NELL1: variants seen among roughly 807,000 people sequenced by gnomAD.
NELL1 encodes neural EGFL like 1, also known as protein kinase C-binding protein NELL1.
In NELL1, 76 loss-of-function variants were observed where a neutral mutation model predicts 107.4. That is an observed-to-expected ratio of 0.71 (90% CI 0.59 to 0.86). The LOEUF (loss-of-function observed/expected upper bound fraction) is 0.86, where lower values mean the gene tolerates loss of function less well. Among genes scored for constraint, NELL1 ranks in the 40% least tolerant of loss-of-function variants. The probability of loss-of-function intolerance (pLI) is 0.00; values close to 1 mark genes in which losing one functional copy is unlikely to be tolerated. For missense variants in NELL1, 1,024 were observed against 1,005.5 expected, an observed-to-expected ratio of 1.02 and a Z score of -0.25; for synonymous variants, 353 against 341.2, an observed-to-expected ratio of 1.03 and a Z score of -0.38.
intron 5 of NELL1, among the ~76,000 whole-genome samples, chr11:20,907,439 T>C (rs1401177046): frequency 6.6e-6 from 1 of 151,962 alleles, no homozygotes; most frequent in East Asian, 1.9e-4. Context: ...CCAAAGAAGA[T>C]ATACAAATGG....
Position 20,669,617 on chromosome 11 carries a change from C to T in NELL1, c.-107C>T. ...CGCTGCCGAGCCACCTCCCCCGCCG[C>T]CCGCTAGCAAGTTTGGCGGCTCCAA... On this transcript the variant is annotated 5_prime_UTR_variant, in exon 1 of 20. Transcript: ENST00000357134. The surrounding 1 kb of genome is among the most constrained non-coding windows in gnomAD (Gnocchi z 4.4). The T allele has an allele frequency of 1.1e-6, 1 of 947,628 alleles. No homozygotes were observed. Among genetic ancestry groups the T allele is most frequent in the Non-Finnish European group, 1.6e-6 (1 of 609,908 alleles). 58.7% of individuals were successfully genotyped at this position (947,628 alleles called of 1,614,324 possible).
intron 2 of NELL1, among the ~76,000 whole-genome samples, chr11:20,752,740 G>T (rs1217867367): frequency 6.6e-6 from 1 of 152,122 alleles, no homozygotes; most frequent in Non-Finnish European, 1.5e-5. Context: ...AAGAAAAACT[G>T]ACTTTTCTTT....
intron 19 of NELL1, among the ~76,000 whole-genome samples, chr11:21,574,549 C>T (rs887498943): frequency 6.6e-6 from 1 of 151,708 alleles, no homozygotes; most frequent in African/African-American, 2.4e-5. Context: ...CTTACTGGAC[C>T]CCATCTTGGA....
intron 15 of NELL1, among the ~76,000 whole-genome samples, chr11:21,402,107 C>T (rs902703375): frequency 2.0e-5 from 3 of 151,810 alleles, no homozygotes; most frequent in Non-Finnish European, 2.9e-5. Context: ...GGTAATTCAG[C>T]TTGCCTTCTA....
At chr11:20,863,410 C>T (rs12806203) in intron 4 of NELL1, among the ~76,000 whole-genome samples, 726 of 43,838 alleles carry the variant, frequency 0.017, 130 homozygotes, top group Middle Eastern at 0.037. Context: ...CAGGCGGAGA[C>T]GCTCCTCACT....
intron 12 of NELL1, among the ~76,000 whole-genome samples, chr11:20,967,741 C>T (rs1851415063): frequency 6.6e-6 from 1 of 152,132 alleles, no homozygotes; most frequent in African/African-American, 2.4e-5. Flanking sequence ...CACCATAGTC[C>T]ATCTTCAAAC....
chr11:20,881,605 C>T (rs1849408935), intron 4 of NELL1, among the ~76,000 whole-genome samples: 1 of 152,206 alleles, frequency 6.6e-6, no homozygotes, highest in African/African-American at 2.4e-5. Context: ...TGTATAAGTG[C>T]TGGCTGTTAT....
chr11:21,480,923 CA>C (rs1471768050), intron 15 of NELL1, among the ~76,000 whole-genome samples: 1 of 152,156 alleles, frequency 6.6e-6, no homozygotes, highest in Non-Finnish European at 1.5e-5. Context: ...CTCTTTCTCA[CA>C]ACTTCTTTTC....
intron 13 of NELL1, among the ~76,000 whole-genome samples, chr11:21,223,584 G>C (rs946375402): frequency 6.6e-6 from 1 of 152,090 alleles, no homozygotes; most frequent in Non-Finnish European, 1.5e-5. Context: ...TGATAGATGA[G>C]TACTTACTCC....
At chr11:20,942,532 A>G (rs1363514179) in intron 10 of NELL1, among the ~76,000 whole-genome samples, 1 of 152,230 alleles carries the variant, frequency 6.6e-6, no homozygotes, top group Non-Finnish European at 1.5e-5. Context: ...CTGGCACATT[A>G]TCACACAAGG....
At chr11:21,445,941 A>G (rs961447431) in intron 15 of NELL1, among the ~76,000 whole-genome samples, 6 of 151,978 alleles carry the variant, frequency 3.9e-5, no homozygotes, top group East Asian at 1.9e-4. Flanking sequence ...TTCTACCCCT[A>G]TTAATCTCTC....
At chr11:21,559,436 G>A (rs186578251) in intron 16 of NELL1, among the ~76,000 whole-genome samples, 4 of 152,046 alleles carry the variant, frequency 2.6e-5, no homozygotes, top group South Asian at 2.1e-4. Context: ...TGTTAAGGTC[G>A]CTCAAGCTTT....
intron 12 of NELL1, among the ~76,000 whole-genome samples, chr11:21,068,707 A>G (rs968803913): frequency 1.3e-5 from 2 of 152,216 alleles, no homozygotes; most frequent in African/African-American, 2.4e-5. Context: ...TTTGCTATTG[A>G]CGATTAGATT....
At chr11:21,572,257 T>G (rs1857115345) in intron 18 of NELL1, among the ~76,000 whole-genome samples, 1 of 151,854 alleles carries the variant, frequency 6.6e-6, no homozygotes, top group East Asian at 1.9e-4. Context: ...GTGTATCCTC[T>G]TCCATCCTAG....
intron 2 of NELL1, among the ~76,000 whole-genome samples, chr11:20,768,407 A>G (rs1416729036): frequency 6.6e-6 from 1 of 152,246 alleles, no homozygotes; most frequent in Non-Finnish European, 1.5e-5. Context: ...GCCAGAGAGC[A>G]TAGCCAGGGC....
intron 14 of NELL1, among the ~76,000 whole-genome samples, chr11:21,365,410 C>G (rs1346566775): frequency 6.6e-6 from 1 of 152,168 alleles, no homozygotes; most frequent in Non-Finnish European, 1.5e-5. Context: ...AGCCAGCTTT[C>G]TCATCTGGCA....
rs76891525 is a variant in NELL1, at chr11:21,007,184, A to G, written c.1300+46624A>G. On this transcript the variant is annotated intron_variant, in intron 12 of 19. Coordinates refer to ENST00000357134, the MANE Select transcript of NELL1 (RefSeq NM_006157.5). ...GAGAAAGCAGTCAACTGCACCTCAC[A>G]TCTTTCCCTTATCCTCTTATTGTCT... Among the ~76,000 whole-genome samples, 974 of 152,180 alleles carry G rather than the reference A, an allele frequency of 6.4e-3. 7 individuals carry two copies. The highest frequency in any genetic ancestry group is 0.022 in the African/African-American group (930 of 41,530).
At chr11:21,434,775 T>A (rs1015375622) in intron 15 of NELL1, among the ~76,000 whole-genome samples, 3 of 152,176 alleles carry the variant, frequency 2.0e-5, no homozygotes, top group African/African-American at 7.2e-5. Context: ...ATTGAATTTG[T>A]AGATTGCTTT....
intron 15 of NELL1, among the ~76,000 whole-genome samples, chr11:21,409,055 A>G (rs1447926457): frequency 6.6e-6 from 1 of 152,062 alleles, no homozygotes; most frequent in Admixed American, 6.6e-5. Flanking sequence ...TAGAAATACC[A>G]TTTGACCCAG....
Sources: allele counts gnomAD v4.1 joint callset (sites outside exome capture counted in the v4.1 genomes callset), GRCh38; gene constraint gnomAD v4.1.1; non-coding constraint Gnocchi (gnomAD v3.1); transcripts MANE v1.5; gene names NCBI Gene and HGNC (gene_info 2026-07-23, HGNC 2026-07-21).